The following NUMB variants were observed in gnomAD, a reference collection of about 807,000 sequenced individuals.
NUMB encodes the protein protein numb homolog.
Under a neutral mutation model 59.7 loss-of-function variants are expected in NUMB, and 29 were observed. The observed-to-expected ratio is 0.49, with a 90% confidence interval of 0.36 to 0.66. NUMB has a LOEUF of 0.66. Among genes scored for constraint, NUMB ranks in the 30% least tolerant of loss-of-function variants. NUMB has a pLI of 0.00. For synonymous variants in NUMB, 288 were observed against 288.2 expected, an observed-to-expected ratio of 1.00 and a Z score of 0.01; for missense variants, 723 against 822.0, an observed-to-expected ratio of 0.88 and a Z score of 1.47.
intron 1 of NUMB, among the ~76,000 whole-genome samples, chr14:73,450,224 A>G (rs982166672): frequency 7.9e-5 from 12 of 152,248 alleles, no homozygotes; most frequent in Non-Finnish European, 1.8e-4. Context: ...TGTGGAGGAT[A>G]GCATAAGCTC....
chr14:73,446,951 G>A (rs1278431162), intron 1 of NUMB, among the ~76,000 whole-genome samples: 1 of 151,986 alleles, frequency 6.6e-6, no homozygotes, highest in Non-Finnish European at 1.5e-5. Flanking sequence ...CACTTTGGGA[G>A]GCCGAGATGG....
At chr14:73,447,185 C>CA (rs1300208842) in intron 1 of NUMB, among the ~76,000 whole-genome samples, 1,217 of 104,392 alleles carry the variant, frequency 0.012, 6 homozygotes, top group South Asian at 0.041. Context: ...GACTCCATCT[C>CA]AAAAAAAAAA....
At chr14:73,304,514 G>T (rs1890317435) in intron 6 of NUMB, among the ~76,000 whole-genome samples, 1 of 151,988 alleles carries the variant, frequency 6.6e-6, no homozygotes, top group African/African-American at 2.4e-5. Flanking sequence ...TTGCTATGTT[G>T]CCCAGGCTGG....
At chr14:73,350,204 C>T (rs1422514344) in intron 4 of NUMB, among the ~76,000 whole-genome samples, 3 of 139,144 alleles carry the variant, frequency 2.2e-5, no homozygotes, top group Admixed American at 7.4e-5. Flanking sequence ...GATGGAGTCT[C>T]GGTCTATCAC....
At chr14:73,307,538 A>G (rs1420135161) in intron 6 of NUMB, among the ~76,000 whole-genome samples, 6 of 152,046 alleles carry the variant, frequency 3.9e-5, no homozygotes, top group Admixed American at 6.6e-5. Context: ...GGTTTGTTTA[A>G]GGAATACTGA....
At position 73,282,014 on chromosome 14, in the gene NUMB, T is replaced by C. The variant is rs1161767866; in HGVS notation, c.1096+345A>G. On this transcript the variant is annotated intron_variant, in intron 11 of 12. Transcript: ENST00000555238. ...CACTACACTAAAGAAAGCATAACCT[T>C]TGAACCAATTCTGATGACTACTGCT... 2.6e-5 allele frequency among the ~76,000 whole-genome samples: 4 copies of C among 152,172 alleles called. No homozygotes were observed. The East Asian group carries it at 5.8e-4, about 22-fold the overall frequency.
chr14:73,446,150 C>T (rs1224366504), intron 1 of NUMB, among the ~76,000 whole-genome samples: 1 of 151,926 alleles, frequency 6.6e-6, no homozygotes, highest in Non-Finnish European at 1.5e-5. Flanking sequence ...GCACTCCCCA[C>T]CACACCCGGC....
chr14:73,279,777 A>C (rs893633972), intron 11 of NUMB, among the ~76,000 whole-genome samples: 1 of 152,264 alleles, frequency 6.6e-6, no homozygotes, highest in South Asian at 2.1e-4. Context: ...TTCTAGATAT[A>C]GCTTAGCCTT....
intron 6 of NUMB, chr14:73,298,260 T>C (rs149779428): frequency 0.022 from 3,367 of 152,454 alleles, 44 homozygotes; most frequent in Middle Eastern, 0.065. Context: ...ACAGGTATGA[T>C]CATAAAGCAT....
chr14:73,377,944 G>T (rs1022449991), intron 2 of NUMB, among the ~76,000 whole-genome samples: 1 of 151,610 alleles, frequency 6.6e-6, no homozygotes, highest in Non-Finnish European at 1.5e-5. Context: ...CCAGCCTGGA[G>T]ATAGATATAT....
At chr14:73,453,893 C>T (rs569411443) in intron 1 of NUMB, among the ~76,000 whole-genome samples, 6 of 152,162 alleles carry the variant, frequency 3.9e-5, no homozygotes, top group South Asian at 4.1e-4. Flanking sequence ...AGGCATGAGC[C>T]GCCGCACCCG....
rs1432889274 is a variant in NUMB, at chr14:73,451,166, A to C, written c.-233+7327T>G. Among the ~76,000 whole-genome samples, 192 of 142,866 alleles carry C rather than the reference A, an allele frequency of 1.3e-3. 2 individuals carry two copies. The highest frequency in any genetic ancestry group is 2.9e-3 in the African/African-American group (115 of 39,132). 93.7% of individuals were successfully genotyped at this position (142,866 alleles called of 152,430 possible). ...AGGACTCTGTCTCAAAAAAAAAAAA[A>C]AAAAAAAACAAAAAACAAATCTACA... is the stretch of plus-strand genomic sequence containing the variant. On this transcript the variant is annotated intron_variant, in intron 1 of 12. Transcript: ENST00000555238.
chr14:73,345,135 G>A (rs974393928), intron 4 of NUMB, among the ~76,000 whole-genome samples: 1 of 152,166 alleles, frequency 6.6e-6, no homozygotes, highest in Admixed American at 6.5e-5. Context: ...AGAAAATGTG[G>A]TATGTATATA....
At chr14:73,355,591 T>G in intron 4 of NUMB, 35 bp downstream of exon 4, 1 of 1,579,680 alleles carries the variant, frequency 6.3e-7, no homozygotes, top group South Asian at 1.2e-5. Context: ...TCAGTTCTTT[T>G]CCACATACAG....
At chr14:73,368,734 T>A (rs1894512389) in intron 2 of NUMB, among the ~76,000 whole-genome samples, 1 of 152,154 alleles carries the variant, frequency 6.6e-6, no homozygotes, top group South Asian at 2.1e-4. Flanking sequence ...TAGGTTCTCA[T>A]AATCAAGAAA....
chr14:73,344,356 T>G (rs1892798359), intron 4 of NUMB, among the ~76,000 whole-genome samples: 1 of 152,202 alleles, frequency 6.6e-6, no homozygotes, highest in African/African-American at 2.4e-5. Context: ...AGCTCTACTT[T>G]CTGTGCTATG....
intron 2 of NUMB, among the ~76,000 whole-genome samples, chr14:73,376,851 A>G (rs1894972405): frequency 6.6e-6 from 1 of 152,090 alleles, no homozygotes. Context: ...AATCCACAGC[A>G]CTCCAGCCTA....
At chr14:73,446,037 C>T (rs1312396609) in intron 1 of NUMB, among the ~76,000 whole-genome samples, 1 of 150,312 alleles carries the variant, frequency 6.7e-6, no homozygotes, top group Non-Finnish European at 1.5e-5. Context: ...TGCTCTGTCG[C>T]CCAGGCTCGA....
intron 1 of NUMB, among the ~76,000 whole-genome samples, chr14:73,456,111 C>CTTTTTT (rs11413301): frequency 7.0e-6 from 1 of 143,014 alleles, no homozygotes; most frequent in African/African-American, 2.6e-5. Context: ...CCAAAAAAAC[C>CTTTTTT]TTTTTTTTTT....
Sources: allele counts gnomAD v4.1 joint callset (sites outside exome capture counted in the v4.1 genomes callset), GRCh38; gene constraint gnomAD v4.1.1; transcripts MANE v1.5; gene names NCBI Gene and HGNC (gene_info 2026-07-23, HGNC 2026-07-21).